WNT3A: variants seen among roughly 807,000 people sequenced by gnomAD.
WNT3A encodes the protein Wnt family member 3A, also known as protein Wnt-3a.
WNT3A carries 17 observed loss-of-function variants against 37.0 expected under a neutral mutation model. That is an observed-to-expected ratio of 0.46 (90% CI 0.31 to 0.69). WNT3A has a LOEUF of 0.69. WNT3A is among the 30% of genes least tolerant of loss of function. WNT3A has a pLI of 0.05. For missense variants in WNT3A, 411 were observed against 510.2 expected, an observed-to-expected ratio of 0.81 and a Z score of 1.87; for synonymous variants, 187 against 211.0, an observed-to-expected ratio of 0.89 and a Z score of 0.99.
chr1:228,039,137 C>T lies in WNT3A; in HGVS notation c.314-11519C>T, dbSNP rs140020709. Among the ~76,000 whole-genome samples, 1,857 of 152,214 alleles carry T rather than the reference C, an allele frequency of 0.012. 23 individuals are homozygous for T. The highest frequency in any genetic ancestry group is 0.024 in the South Asian group (116 of 4,822). ...GCATTGCCAGGGGAAAGAGACGAAGCCACAGGTTTCCAGGGGCTGGGGACA... is the reference window on the plus strand; with the variant it reads ...GCATTGCCAGGGGAAAGAGACGAAGTCACAGGTTTCCAGGGGCTGGGGACA... On this transcript the variant is annotated intron_variant, in intron 2 of 3. Coordinates refer to ENST00000284523, the MANE Select transcript of WNT3A (RefSeq NM_033131.4). The surrounding 1 kb of genome is among the most constrained non-coding windows in gnomAD (Gnocchi z 4.1).
intron 1 of WNT3A, among the ~76,000 whole-genome samples, chr1:228,021,518 T>C (rs906228385): frequency 3.3e-5 from 5 of 152,178 alleles, no homozygotes; most frequent in Non-Finnish European, 7.3e-5. Context: ...CGGGAGCCCA[T>C]GCCTTCGGGT....
intron 3 of WNT3A, among the ~76,000 whole-genome samples, chr1:228,052,510 G>A (rs1020446059): frequency 6.6e-6 from 1 of 152,154 alleles, no homozygotes; most frequent in Admixed American, 6.5e-5. Context: ...CAGCTTGCTA[G>A]AAAGGATGTG....
chr1:228,042,267 G>T lies in WNT3A; in HGVS notation c.314-8389G>T, dbSNP rs1026635560. Among the ~76,000 whole-genome samples, 31 of 152,124 alleles carry T rather than the reference G, an allele frequency of 2.0e-4. No individual in the cohort carries two copies. Among genetic ancestry groups the T allele is most frequent in the Admixed American group, 8.5e-4 (13 of 15,278 alleles). On this transcript the variant is annotated intron_variant, in intron 2 of 3. Coordinates refer to ENST00000284523, the MANE Select transcript of WNT3A (RefSeq NM_033131.4). The surrounding 1 kb of genome is among the most constrained non-coding windows in gnomAD (Gnocchi z 5.2). ...GCTGGGATTACAGCTGTGAGCCACC[G>T]CGCCCAGCCTCTGGAGGATTTTTTT...
intron 1 of WNT3A, among the ~76,000 whole-genome samples, chr1:228,021,415 C>T (rs2030703703): frequency 6.6e-6 from 1 of 152,322 alleles, no homozygotes; most frequent in East Asian, 1.9e-4. Context: ...ACCTCTCCCG[C>T]GGATGAGTGT....
intron 2 of WNT3A, among the ~76,000 whole-genome samples, chr1:228,034,567 G>A (rs899844987): frequency 1.3e-5 from 2 of 152,160 alleles, no homozygotes; most frequent in African/African-American, 2.4e-5. Context: ...GCTGCAGGTA[G>A]GCCCCTCTTG....
chr1:228,052,875 C>A (rs2031587724), intron 3 of WNT3A, among the ~76,000 whole-genome samples: 1 of 152,164 alleles, frequency 6.6e-6, no homozygotes, highest in African/African-American at 2.4e-5. Context: ...GCTCAGTCAA[C>A]CGGGTGGTGC....
At chr1:228,047,929 C>A (rs1347403022) in intron 2 of WNT3A, among the ~76,000 whole-genome samples, 1 of 152,132 alleles carries the variant, frequency 6.6e-6, no homozygotes, top group Non-Finnish European at 1.5e-5. Flanking sequence ...CAGGCCCCAC[C>A]CCAGCCCTGG....
chr1:228,031,776 T>G lies in WNT3A; in HGVS notation c.313+8868T>G, dbSNP rs2031017764. Among the ~76,000 whole-genome samples, 1 of 152,112 alleles carries G rather than the reference T, an allele frequency of 6.6e-6. No individual in the cohort carries two copies. Among genetic ancestry groups the G allele is most frequent in the East Asian group, 1.9e-4 (1 of 5,186 alleles). On this transcript the variant is annotated intron_variant, in intron 2 of 3. Transcript: ENST00000284523. The surrounding 1 kb of genome is among the most constrained non-coding windows in gnomAD (Gnocchi z 4.8). ...GCTGCCCGCTAGGGTTCCTGGGCTG[T>G]GCTGTAGCCAGTGGTGGCATGGAGG...
intron 2 of WNT3A, among the ~76,000 whole-genome samples, chr1:228,043,613 GGA>G (rs1449795291): frequency 6.6e-6 from 1 of 152,216 alleles, no homozygotes; most frequent in Non-Finnish European, 1.5e-5. Context: ...TGGTTTCCGT[GGA>G]GGCTGGCTGC....
At chr1:228,013,788 C>T (rs888840829) in intron 1 of WNT3A, among the ~76,000 whole-genome samples, 3 of 152,288 alleles carry the variant, frequency 2.0e-5, no homozygotes, top group Admixed American at 6.5e-5. Flanking sequence ...TCAGCCTGGG[C>T]GAGATGGGAG....
rs1414189657 is a variant in WNT3A at position 228,040,864 on chromosome 1, C to T, written c.314-9792C>T. 1.2e-4 allele frequency among the ~76,000 whole-genome samples: 17 copies of T among 136,760 alleles called. No individual in the cohort carries two copies. The South Asian group carries it at 2.6e-3, about 21-fold the overall frequency. The allele number at this position is 136,760 out of a possible 152,430, so 89.7% of individuals were successfully genotyped here. ...TCGCGCCACTGCACTCCAGCCTGGG[C>T]GACAGAACGAGACTCTATCTCAAAA... On this transcript the variant is annotated intron_variant, in intron 2 of 3. Transcript: ENST00000284523.
chr1:228,022,914 G>T lies in WNT3A; in HGVS notation c.313+6G>T, dbSNP rs753905092. ...CGGGCCCGTGCTGGACAAAGGTATG[G>T]GGGTGGTCTGGGGGAGGGCAGATGA... On this transcript the variant is annotated splice_donor_region_variant and intron_variant, in intron 2 of 3. Coordinates refer to ENST00000284523, the MANE Select transcript of WNT3A (RefSeq NM_033131.4). The T allele has an allele frequency of 1.9e-6, 3 of 1,596,094 alleles. No individual in the cohort carries two copies. The East Asian group carries it at 6.7e-5, about 36-fold the overall frequency.
intron 2 of WNT3A, among the ~76,000 whole-genome samples, chr1:228,029,578 A>G (rs2030946967): frequency 6.6e-6 from 1 of 152,186 alleles, no homozygotes; most frequent in Non-Finnish European, 1.5e-5. Flanking sequence ...GCCCAAGGCC[A>G]GAGTTCATCT....
chr1:228,049,690 C>G (rs2031499237), intron 2 of WNT3A, among the ~76,000 whole-genome samples: 1 of 152,188 alleles, frequency 6.6e-6, no homozygotes, highest in African/African-American at 2.4e-5. Flanking sequence ...TTGCAGCCAT[C>G]CCCGTAGGTG....
intron 1 of WNT3A, among the ~76,000 whole-genome samples, chr1:228,009,539 C>G (rs1225839243): frequency 6.6e-6 from 1 of 152,156 alleles, no homozygotes; most frequent in East Asian, 1.9e-4. Context: ...GCCAGGTGGG[C>G]TCCTGGTGAG....
chr1:228,048,773 A>G (rs1159491719), intron 2 of WNT3A, among the ~76,000 whole-genome samples: 2 of 151,062 alleles, frequency 1.3e-5, no homozygotes, highest in African/African-American at 4.9e-5. Context: ...CCCTCTCCTC[A>G]TGCCCTTGCA....
intron 2 of WNT3A, among the ~76,000 whole-genome samples, chr1:228,044,377 A>G (rs1260309496): frequency 6.6e-6 from 1 of 152,104 alleles, no homozygotes; most frequent in African/African-American, 2.4e-5. Flanking sequence ...TTTTCTATCA[A>G]GATCCCTTTT....
rs985854145 is a variant in WNT3A at position 228,007,800 on chromosome 1, G to A, written c.71+601G>A. ...CTCCCCGCCGCAGTCCGGGCACGGG[G>A]GTTTCCAGGGGCCCTCTCTGCGAGC... is the stretch of plus-strand genomic sequence containing the variant. On this transcript the variant is annotated intron_variant, in intron 1 of 3. Transcript: ENST00000284523. The surrounding 1 kb of genome is among the most constrained non-coding windows in gnomAD (Gnocchi z 6.0). 6.6e-6 allele frequency among the ~76,000 whole-genome samples: 1 copy of A among 152,040 alleles called. No homozygotes were observed. Among genetic ancestry groups the A allele is most frequent in the African/African-American group, 2.4e-5 (1 of 41,426 alleles).
intron 2 of WNT3A, among the ~76,000 whole-genome samples, chr1:228,027,527 TG>T (rs2030881353): frequency 6.6e-6 from 1 of 152,240 alleles, no homozygotes; most frequent in South Asian, 2.1e-4. Flanking sequence ...TCATGATTAG[TG>T]ATGTTGAGCA....
Sources: gnomAD v4.1 joint callset for allele counts (sites outside exome capture counted in the v4.1 genomes callset) on GRCh38, gnomAD v4.1.1 for gene constraint, Gnocchi (gnomAD v3.1) non-coding constraint, MANE v1.5 for transcripts, NCBI Gene and HGNC (gene_info 2026-07-23, HGNC 2026-07-21) for gene names.